The following GSTO2 variants were observed in gnomAD, a reference collection of about 807,000 sequenced individuals.
GSTO2 encodes glutathione S-transferase omega-2.
In GSTO2, 23 loss-of-function variants were observed where a neutral mutation model predicts 28.4. The ratio of observed to expected loss-of-function variants is 0.81; its 90% CI spans 0.58 to 1.15. The LOEUF (loss-of-function observed/expected upper bound fraction) is 1.15, where lower values mean the gene tolerates loss of function less well. Among genes scored for constraint, GSTO2 ranks in the 50% most tolerant of loss-of-function variants. The pLI, the probability that GSTO2 is intolerant of heterozygous loss-of-function variation, is 0.00. For missense variants in GSTO2, 298 were observed against 297.8 expected, an observed-to-expected ratio of 1.00 and a Z score of 0.00; for synonymous variants, 109 against 111.0, an observed-to-expected ratio of 0.98 and a Z score of 0.11.
At chr10:104,287,356 A>G (rs1292713475) in intron 5 of GSTO2, among the ~76,000 whole-genome samples, 1 of 152,230 alleles carries the variant, frequency 6.6e-6, no homozygotes, top group Admixed American at 6.5e-5. Context: ...ACACCTGGCC[A>G]ATTTTTATAA....
chr10:104,275,778 C>A (rs1308815733), intron 3 of GSTO2, among the ~76,000 whole-genome samples: 1 of 152,192 alleles, frequency 6.6e-6, no homozygotes, highest in Admixed American at 6.5e-5. Flanking sequence ...GTCCCCTTCA[C>A]CCATGTGCGT....
chr10:104,287,153 A>G (rs1031161159), intron 5 of GSTO2, among the ~76,000 whole-genome samples: 1 of 152,130 alleles, frequency 6.6e-6, no homozygotes, highest in Admixed American at 6.5e-5. Context: ...CCTGAGCTCA[A>G]GGGAGCCTCC....
rs149585275 is a variant in GSTO2, at chr10:104,300,002, G to T, written c.*718G>T. The stretch of plus-strand genomic sequence containing the variant: ...CCTGGTGAAAGCTTAAGAAGAGGGA[G>T]AAGGAAGAAGAAAACACTCCAAACC... On this transcript the variant is annotated 3_prime_UTR_variant, in exon 7 of 7. Transcript: ENST00000338595. The T allele has an allele frequency of 6.6e-6, 1 of 152,424 alleles. No homozygotes were observed. Among genetic ancestry groups the T allele is most frequent in the South Asian group, 2.1e-4 (1 of 4,836 alleles). The allele number at this position is 152,424 out of a possible 1,614,324, so 9.4% of individuals were successfully genotyped here.
At chr10:104,275,027 C>G in intron 2 of GSTO2, 78 bp downstream of exon 2, 2 of 1,538,546 alleles carry the variant, frequency 1.3e-6, no homozygotes, top group Non-Finnish European at 1.7e-6. Context: ...GCTGCCTGGC[C>G]TTGGCCTGCA....
At position 104,303,304 on chromosome 10, in the gene GSTO2, CAGGCTGAGG is replaced by C. The variant is rs1465405319; in HGVS notation, c.*4024_*4032del. The C allele has an allele frequency of 6.6e-6, 1 of 152,160 alleles. No individual in the cohort carries two copies. Among genetic ancestry groups the C allele is most frequent in the Non-Finnish European group, 1.5e-5 (1 of 68,030 alleles). The allele number at this position is 152,160 out of a possible 1,614,324, so 9.4% of individuals were successfully genotyped here. On this transcript the variant is annotated 3_prime_UTR_variant, in exon 7 of 7. Coordinates refer to ENST00000338595, the MANE Select transcript of GSTO2 (RefSeq NM_183239.2). ...CAGTAGTGATATGGACAGTGAAGGC[CAGGCTGAGG>C]AGGTGATGGAAATGAGGAACTTACT...
In GSTO2 at chr10:104,269,186, CCTT is replaced by C. The variant is rs1412247068; in HGVS notation, c.-314_-312del. ...GGCAGGCCCCGTCTAGGCCCCGCCT[CCTT>C]GCTGCTGCTGCCGCCGCCAATCCTG... On this transcript the variant is annotated 5_prime_UTR_variant, in exon 1 of 7. Coordinates refer to ENST00000338595, the MANE Select transcript of GSTO2 (RefSeq NM_183239.2). 2 of 152,512 alleles carry C rather than the reference CCTT, an allele frequency of 1.3e-5. No individual in the cohort carries two copies. Among genetic ancestry groups the C allele is most frequent in the African/African-American group, 4.8e-5 (2 of 41,468 alleles). 9.4% of individuals were successfully genotyped at this position (152,512 alleles called of 1,614,324 possible).
At chr10:104,277,870 C>T (rs534467893) in intron 3 of GSTO2, 24 bp from the exon 4 acceptor site, 1 of 1,534,864 alleles carries the variant, frequency 6.5e-7, no homozygotes, top group South Asian at 1.1e-5. Context: ...TTTGTTCTGT[C>T]TTGTTTTCCT....
In GSTO2 at chr10:104,293,452, G is replaced by A. The variant is rs150080152; in HGVS notation, c.469-4126G>A. On this transcript the variant is annotated intron_variant, in intron 5 of 6. Transcript: ENST00000338595. ...CTGTTTATTTATTTATTTTAAGATG[G>A]GGTCTCACCCTGTTGCCCAGGTTGG... Among the ~76,000 whole-genome samples, 320 of 151,794 alleles carry A rather than the reference G, an allele frequency of 2.1e-3. 1 individual carries two copies. The highest frequency in any genetic ancestry group is 7.5e-3 in the African/African-American group (309 of 41,354).
chr10:104,280,785 C>T (rs1365949843), intron 5 of GSTO2, among the ~76,000 whole-genome samples: 1 of 152,160 alleles, frequency 6.6e-6, no homozygotes, highest in Non-Finnish European at 1.5e-5. Flanking sequence ...TTTTTTTCCC[C>T]TTAAGGGAAG....
rs1401526626 is a variant in GSTO2 at position 104,279,246 on chromosome 10, G to C, written c.367-124G>C. 9 of 691,854 alleles carry C rather than the reference G, an allele frequency of 1.3e-5. No homozygotes were observed. In the East Asian group the frequency reaches 2.3e-4, roughly 18 times the overall value. 42.9% of individuals were successfully genotyped at this position (691,854 alleles called of 1,614,324 possible). On this transcript the variant is annotated intron_variant, in intron 4 of 6. Transcript: ENST00000338595. ...ACCTAGTGCCTCTCACAGGGAGCTGGGGGGTCTGATGTGGGTGTTGCCCTG... is the reference window on the plus strand; with the variant it reads ...ACCTAGTGCCTCTCACAGGGAGCTGCGGGGTCTGATGTGGGTGTTGCCCTG...
At chr10:104,286,284 G>A (rs2012417281) in intron 5 of GSTO2, among the ~76,000 whole-genome samples, 1 of 152,092 alleles carries the variant, frequency 6.6e-6, no homozygotes, top group South Asian at 2.1e-4. Context: ...GTGGCTGTAC[G>A]CAGCCACTGA....
intron 1 of GSTO2, among the ~76,000 whole-genome samples, chr10:104,272,460 G>T (rs1401370598): frequency 6.6e-6 from 1 of 152,008 alleles, no homozygotes; most frequent in East Asian, 1.9e-4. Context: ...TGAGATTGTT[G>T]CCGCTGGAGT....
chr10:104,292,487 G>T (rs1179058124), intron 5 of GSTO2, among the ~76,000 whole-genome samples: 1 of 149,902 alleles, frequency 6.7e-6, no homozygotes, highest in African/African-American at 2.5e-5. Context: ...TTTTGAGACA[G>T]GATCTCACTC....
chr10:104,277,538 A>G (rs1263528359), intron 3 of GSTO2, among the ~76,000 whole-genome samples: 1 of 152,066 alleles, frequency 6.6e-6, no homozygotes, highest in African/African-American at 2.4e-5. Flanking sequence ...TGCCCGCCCC[A>G]GCCTCCCAAA....
At chr10:104,271,824 A>G (rs987440880) in intron 1 of GSTO2, among the ~76,000 whole-genome samples, 4 of 152,246 alleles carry the variant, frequency 2.6e-5, no homozygotes, top group African/African-American at 7.2e-5. Flanking sequence ...AGAAAGGTGG[A>G]TCCAGGAACC....
intron 5 of GSTO2, chr10:104,294,872 C>T (rs544735553): frequency 6.6e-6 from 1 of 152,170 alleles, no homozygotes; most frequent in Non-Finnish European, 1.5e-5. Context: ...GAGATATACA[C>T]TAAATAAACA....
At chr10:104,281,062 C>T (rs2012007642) in intron 5 of GSTO2, among the ~76,000 whole-genome samples, 1 of 152,206 alleles carries the variant, frequency 6.6e-6, no homozygotes, top group East Asian at 1.9e-4. Context: ...CTGTACCTCT[C>T]TGGGCCTTGG....
chr10:104,274,673 G>GT lies in GSTO2; in HGVS notation c.-231-6dup, dbSNP rs913279467. On this transcript the variant is annotated splice_polypyrimidine_tract_variant and intron_variant, in intron 1 of 6. Transcript: ENST00000338595. Reference sequence around the variant, plus strand: ...TTCTGGTGTTATTTTGTCTTGTTTTGTTTTTTGCCAGCTCCTACTCTCGGG... The same window carrying GT: ...TTCTGGTGTTATTTTGTCTTGTTTTGTTTTTTTGCCAGCTCCTACTCTCGGG... 8 of 577,704 alleles carry GT rather than the reference G, an allele frequency of 1.4e-5. No individual in the cohort carries two copies. Among genetic ancestry groups the GT allele is most frequent in the African/African-American group, 5.8e-5 (3 of 51,718 alleles). The allele number at this position is 577,704 out of a possible 1,614,324, so 35.8% of individuals were successfully genotyped here.
chr10:104,297,838 T>C (rs971038994), intron 6 of GSTO2, among the ~76,000 whole-genome samples, 154 bp downstream of exon 6: 1 of 152,230 alleles, frequency 6.6e-6, no homozygotes, highest in Non-Finnish European at 1.5e-5. Context: ...GTTAAAAACA[T>C]ATGTGCTTTT....
Sources: gnomAD v4.1 joint callset for allele counts (sites outside exome capture counted in the v4.1 genomes callset) on GRCh38, gnomAD v4.1.1 for gene constraint, MANE v1.5 for transcripts, NCBI Gene and HGNC (gene_info 2026-07-23, HGNC 2026-07-21) for gene names.